Variants in THBS2 observed in about 807,000 individuals in gnomAD.
THBS2 encodes thrombospondin 2.
A neutral mutation model predicts 135.2 loss-of-function variants in THBS2; 47 were observed. That is an observed-to-expected ratio of 0.35 (90% CI 0.28 to 0.44). The LOEUF is 0.44. Among genes scored for constraint, THBS2 ranks in the 20% least tolerant of loss-of-function variants. The pLI is 1.00. For missense variants in THBS2, 1,288 were observed against 1,603.1 expected, an observed-to-expected ratio of 0.80 and a Z score of 3.36; for synonymous variants, 639 against 633.8, an observed-to-expected ratio of 1.01 and a Z score of -0.12.
At chr6:169,237,425 G>A (rs749856486) in intron 8 of THBS2, 79 bp from the exon 9 acceptor site, 3 of 1,550,482 alleles carry the variant, frequency 1.9e-6, no homozygotes, top group Non-Finnish European at 2.6e-6. Context: ...CTTATTAACC[G>A]AGGAGCATCT....
chr6:169,235,548 G>C (rs1415456913), intron 9 of THBS2, among the ~76,000 whole-genome samples: 2 of 151,986 alleles, frequency 1.3e-5, no homozygotes, highest in Non-Finnish European at 2.9e-5. Flanking sequence ...GATGCTTTGG[G>C]CCAAGCGCTC....
rs1381143050 is a variant in THBS2 at position 169,218,960 on chromosome 6, AT to A, written c.3512-1132del. ...GTGGGTGGATGAGATGAGTGGATGGATGGATGAGTAGGTGGGTGGATGAGTG... is the reference window on the plus strand; with the variant it reads ...GTGGGTGGATGAGATGAGTGGATGGAGGATGAGTAGGTGGGTGGATGAGTG... On this transcript the variant is annotated intron_variant, in intron 21 of 21. Transcript: ENST00000617924. Among the ~76,000 whole-genome samples, 10 of 136,072 alleles carry A rather than the reference AT, an allele frequency of 7.3e-5. No individual in the cohort carries two copies. In the East Asian group the frequency reaches 1.6e-3, roughly 21 times the overall value. 89.3% of individuals were successfully genotyped at this position (136,072 alleles called of 152,430 possible).
In THBS2 at chr6:169,237,267, G is replaced by A. The variant is rs760006866; in HGVS notation, c.1380C>T (p.Arg460=). ...SVTCGVGNIT[R]IRLCNSPVPQ... is the part of the protein sequence containing the mutation. The stretch of plus-strand genomic sequence containing the variant: ...GCACTGGGGAGTTGCAGAGACGGAT[G>A]CGTGTGATATTGCCAACTCCACAGG... Residue 460 remains arginine, a synonymous_variant, in exon 9 of 22, where the codon CGC becomes CGT. Coordinates refer to ENST00000617924, the MANE Select transcript of THBS2 (RefSeq NM_003247.5). 1 of 1,613,510 alleles carries A rather than the reference G, an allele frequency of 6.2e-7. No homozygotes were observed. The highest frequency in any genetic ancestry group is 8.5e-7 in the Non-Finnish European group (1 of 1,180,032).
Position 169,252,617 on chromosome 6 carries a change from G to C in THBS2, c.-23+1107C>G, listed in dbSNP as rs1780792874. Among the ~76,000 whole-genome samples, 1 of 152,238 alleles carries C rather than the reference G, an allele frequency of 6.6e-6. No individual in the cohort carries two copies. Among genetic ancestry groups the C allele is most frequent in the Non-Finnish European group, 1.5e-5 (1 of 68,046 alleles). On this transcript the variant is annotated intron_variant, in intron 1 of 21. Coordinates refer to ENST00000617924, the MANE Select transcript of THBS2 (RefSeq NM_003247.5). This position sits in a 1 kb window ranked among gnomAD's most constrained non-coding sequence, Gnocchi z 4.3. ...AACAAAGCATCCCCTGCTGCGGATTGTCAAAGGACAGTGAGGCTCCATCCC... is the reference window on the plus strand; with the variant it reads ...AACAAAGCATCCCCTGCTGCGGATTCTCAAAGGACAGTGAGGCTCCATCCC...
intron 4 of THBS2, among the ~76,000 whole-genome samples, chr6:169,242,585 TTCCCAC>T (rs1780351654): frequency 1.9e-4 from 21 of 111,904 alleles, no homozygotes; most frequent in East Asian, 3.4e-4. Context: ...TTCCCCCAAA[TTCCCAC>T]CTTCCCACAT....
chr6:169,242,314 A>T (rs2115019235), intron 4 of THBS2, among the ~76,000 whole-genome samples: 2 of 152,172 alleles, frequency 1.3e-5, no homozygotes, highest in East Asian at 3.9e-4. Context: ...ACCAGTGGCC[A>T]CGCATGTCAC....
At position 169,232,950 on chromosome 6, in the gene THBS2, T is replaced by C; in HGVS notation, c.1719A>G (p.Ser573=). ...QCSSFPDGSW[S]CGSCPVGFLG... is the part of the protein sequence containing the mutation. ...AGAAGCCCACAGGGCAGGAGCCGCA[T>C]GACCAGGACCCATCGGGGAAGCTGC... is the stretch of plus-strand genomic sequence containing the variant. Residue 573 remains serine (S), a synonymous_variant, in exon 11 of 22, where the codon TCA becomes TCG. Coordinates refer to ENST00000617924, the MANE Select transcript of THBS2 (RefSeq NM_003247.5). The C allele has an allele frequency of 6.4e-7, 1 of 1,567,118 alleles. No homozygotes were observed. The highest frequency in any genetic ancestry group is 8.6e-7 in the Non-Finnish European group (1 of 1,156,910).
chr6:169,244,145 C>T (rs938645435), intron 4 of THBS2, among the ~76,000 whole-genome samples: 2 of 146,720 alleles, frequency 1.4e-5, no homozygotes, highest in Non-Finnish European at 3.0e-5. Flanking sequence ...CTGGAGATAA[C>T]AGATCTAGAT....
chr6:169,248,810 G>C lies in THBS2; in HGVS notation c.216C>G (p.Ser72Arg), dbSNP rs1488702577. 4.3e-6 allele frequency: 7 copies of C among 1,610,972 alleles called. No homozygotes were observed. The highest frequency in any genetic ancestry group is 5.9e-6 in the Non-Finnish European group (7 of 1,180,032). ...YIPPVNADDL[S>R]KITKIMRQKE... Reference sequence around the variant, plus strand: ...TCTGCCGCATGATCTTGGTGATCTTGCTGAGGTCATCTGCGTTCACCGGTG... The same window carrying C: ...TCTGCCGCATGATCTTGGTGATCTTCCTGAGGTCATCTGCGTTCACCGGTG... Residue 72 changes from serine to arginine, a missense_variant, in exon 3 of 22, where the codon AGC (serine) becomes AGG (arginine). Around this residue, in one of 2 missense-constraint regions of THBS2, gnomAD observed 414 missense variants for 447.0 expected, o/e 0.93. Coordinates refer to ENST00000617924, the MANE Select transcript of THBS2 (RefSeq NM_003247.5).
At chr6:169,220,062 G>A (rs1283615530) in intron 21 of THBS2, 136 bp downstream of exon 21, 2 of 1,127,086 alleles carry the variant, frequency 1.8e-6, no homozygotes, top group Non-Finnish European at 2.5e-6. Context: ...ATGTGCAGGG[G>A]GCTCATGTGT....
chr6:169,225,327 A>G lies in THBS2; in HGVS notation c.2591T>C (p.Ile864Thr), dbSNP rs776247064. 1.3e-5 allele frequency: 20 copies of G among 1,571,066 alleles called. No homozygotes were observed. The highest frequency in any genetic ancestry group is 9.5e-5 in the Admixed American group (5 of 52,630). Residue 864 changes from isoleucine to threonine, a missense_variant, in exon 17 of 22, where the codon ATA becomes ACA. Physicochemically the swap from Ile to Thr is moderately conservative, Grantham distance 89. Coordinates refer to ENST00000617924, the MANE Select transcript of THBS2 (RefSeq NM_003247.5). The stretch of plus-strand genomic sequence containing the variant: ...GTTGTTCTGGTGGCCGTCGTCATCT[A>G]TGTCCTCGTTGTTGTCACACTGGTC... ...VGDQCDNNED[I>T]DDDGHQNNQD...
chr6:169,228,863 G>T (rs1380136587), intron 14 of THBS2, among the ~76,000 whole-genome samples: 1 of 148,282 alleles, frequency 6.7e-6, no homozygotes, highest in African/African-American at 2.5e-5. Flanking sequence ...GATGGAGATT[G>T]CAGTGAGCCA....
At chr6:169,251,944 C>T (rs1780770559) in intron 1 of THBS2, 1 of 152,006 alleles carries the variant, frequency 6.6e-6, no homozygotes, top group African/African-American at 2.4e-5. Context: ...CAGCACCAGG[C>T]TGAGCAATGC....
intron 4 of THBS2, among the ~76,000 whole-genome samples, chr6:169,243,998 G>A (rs1174084320): frequency 6.6e-6 from 1 of 152,228 alleles, no homozygotes; most frequent in Non-Finnish European, 1.5e-5. Context: ...CAGTGAAGAA[G>A]AAGTCTTTGT....
rs781017166 is a variant in THBS2, at chr6:169,237,357, A to G, written c.1301-11T>C. The G allele has an allele frequency of 1.2e-6, 2 of 1,613,006 alleles. No individual in the cohort carries two copies. Among genetic ancestry groups the G allele is most frequent in the Admixed American group, 3.3e-5 (2 of 60,018 alleles). ...CGCCGTCCTGCCGGACTAACACAAG[A>G]AGCGGAGAGAGATCAGGCTGTGCCG... On this transcript the variant is annotated splice_polypyrimidine_tract_variant and intron_variant, in intron 8 of 21. Coordinates refer to ENST00000617924, the MANE Select transcript of THBS2 (RefSeq NM_003247.5).
intron 1 of THBS2, among the ~76,000 whole-genome samples, chr6:169,253,178 C>G (rs1356294908): frequency 6.6e-6 from 1 of 152,072 alleles, no homozygotes; most frequent in African/African-American, 2.4e-5. Flanking sequence ...ATCAGAGTCT[C>G]TCTTTAATCT....
rs1258577701 is a variant in THBS2 at position 169,234,814 on chromosome 6, G to A, written c.1571C>T (p.Pro524Leu). The change falls in exon 10 of 22, where the codon CCT becomes CTT. Residue 524 changes from proline to leucine, a missense_variant. Transcript: ENST00000617924. ...IRERTRVCNS[P>L]EPQYGGKACV... ...GGCCTTCCCTCCGTACTGAGGCTCA[G>A]GGCTGTTGCAGACCCGGGTGCGCTC... 2 of 1,612,948 alleles carry A rather than the reference G, an allele frequency of 1.2e-6. No homozygotes were observed. The highest frequency in any genetic ancestry group is 8.5e-7 in the Non-Finnish European group (1 of 1,179,604).
chr6:169,245,636 CA>C (rs1322814172), intron 4 of THBS2, among the ~76,000 whole-genome samples: 1 of 151,768 alleles, frequency 6.6e-6, no homozygotes, highest in African/African-American at 2.4e-5. Flanking sequence ...ACTAAAAATA[CA>C]AAAAATTAGC....
chr6:169,233,981 T>G (rs1457436672), intron 10 of THBS2, among the ~76,000 whole-genome samples: 1 of 150,108 alleles, frequency 6.7e-6, no homozygotes, highest in Non-Finnish European at 1.5e-5. Flanking sequence ...ACATGCAAGG[T>G]GACACACCAC....
Sources: gnomAD v4.1 joint callset for allele counts (sites outside exome capture counted in the v4.1 genomes callset) on GRCh38, gnomAD v4.1.1 for gene constraint, gnomAD v4.1.1 regional missense constraint, Gnocchi (gnomAD v3.1) non-coding constraint, MANE v1.5 for transcripts, NCBI Gene and HGNC (gene_info 2026-07-23, HGNC 2026-07-21) for gene names.